The following C19orf18 variants were observed in gnomAD, a reference collection of about 807,000 sequenced individuals.
The protein encoded by C19orf18 is uncharacterized protein C19orf18.
C19orf18 carries 21 observed loss-of-function variants against 23.3 expected under a neutral mutation model. The ratio of observed to expected loss-of-function variants is 0.90; its 90% CI spans 0.64 to 1.30. C19orf18 has a LOEUF of 1.30. Ranked by LOEUF, C19orf18 falls within the 50% of genes most tolerant of loss-of-function variation. The pLI, the probability that C19orf18 is intolerant of heterozygous loss-of-function variation, is 0.00. For missense variants in C19orf18, 249 were observed against 259.6 expected (o/e 0.96, Z 0.28); for synonymous variants, 96 against 95.2 (o/e 1.01, Z -0.05).
intron 2 of C19orf18, among the ~76,000 whole-genome samples, chr19:57,973,230 T>A (rs2072959230): frequency 1.4e-5 from 2 of 143,216 alleles, no homozygotes; most frequent in South Asian, 4.7e-4. Flanking sequence ...AACAATAGTG[T>A]CCTTTCCTCG....
intron 4 of C19orf18, among the ~76,000 whole-genome samples, chr19:57,962,857 C>CAA (rs969125692): frequency 7.5e-6 from 1 of 133,592 alleles, no homozygotes. Context: ...AACTCCATCT[C>CAA]AAAAAAAAAA....
chr19:57,964,124 T>G (rs2072892627), intron 4 of C19orf18, among the ~76,000 whole-genome samples: 1 of 152,162 alleles, frequency 6.6e-6, no homozygotes, highest in African/African-American at 2.4e-5. Context: ...CCACTATAGC[T>G]TAGTGCTAAT....
intron 2 of C19orf18, among the ~76,000 whole-genome samples, chr19:57,973,507 T>C (rs4801535): frequency 0.32 from 48,650 of 151,726 alleles, 9,607 homozygotes; most frequent in African/African-American, 0.56. Context: ...GGGCGGATCA[T>C]GAGGTCAGGA....
intron 3 of C19orf18, among the ~76,000 whole-genome samples, chr19:57,969,365 G>GC (rs1353711472): frequency 6.7e-6 from 1 of 150,238 alleles, no homozygotes; most frequent in African/African-American, 2.5e-5. Flanking sequence ...GACCAGCCTG[G>GC]CCAACATGGT....
intron 5 of C19orf18, among the ~76,000 whole-genome samples, chr19:57,959,485 C>T (rs1451533570): frequency 2.6e-5 from 4 of 151,890 alleles, no homozygotes; most frequent in Non-Finnish European, 2.9e-5. Flanking sequence ...ATAAGACAGG[C>T]GTGGTGGCAT....
chr19:57,969,130 G>C (rs1190703300), intron 3 of C19orf18, among the ~76,000 whole-genome samples: 3 of 152,122 alleles, frequency 2.0e-5, no homozygotes, highest in South Asian at 2.1e-4. Context: ...CGTGTGTGGT[G>C]GGCCATGTCT....
chr19:57,961,140 C>G (rs1408346804), intron 5 of C19orf18, among the ~76,000 whole-genome samples: 1 of 151,882 alleles, frequency 6.6e-6, no homozygotes, highest in Non-Finnish European at 1.5e-5. Flanking sequence ...GAGGCTGAGG[C>G]AGGAGAATGG....
chr19:57,970,329 A>C, intron 3 of C19orf18, among the ~76,000 whole-genome samples: 1 of 152,162 alleles, frequency 6.6e-6, no homozygotes, highest in East Asian at 1.9e-4. Flanking sequence ...GCTGTAACTT[A>C]TGCACTCGTC....
At chr19:57,970,571 A>G (rs1467333343) in intron 3 of C19orf18, among the ~76,000 whole-genome samples, 1 of 151,976 alleles carries the variant, frequency 6.6e-6, no homozygotes, top group African/African-American at 2.4e-5. Flanking sequence ...AGTAAGGTAG[A>G]CATCTTTCCA....
At chr19:57,961,824 T>C (rs569497697) in intron 4 of C19orf18, among the ~76,000 whole-genome samples, 1 of 152,304 alleles carries the variant, frequency 6.6e-6, no homozygotes, top group Non-Finnish European at 1.5e-5. Context: ...ACTTAAGGTG[T>C]TGACAAAAAA....
intron 4 of C19orf18, 42 bp from the exon 5 acceptor site, chr19:57,961,593 GA>G: frequency 6.2e-7 from 1 of 1,600,102 alleles, no homozygotes; most frequent in Non-Finnish European, 8.5e-7. Flanking sequence ...CAGTTTTCAT[GA>G]TGAATAATTC....
intron 2 of C19orf18, among the ~76,000 whole-genome samples, chr19:57,972,882 G>A (rs2072954408): frequency 6.6e-6 from 1 of 152,132 alleles, no homozygotes; most frequent in Non-Finnish European, 1.5e-5. Flanking sequence ...GTCAGCAAGG[G>A]TTGGGCACAG....
chr19:57,960,969 G>A (rs1410185730), intron 5 of C19orf18, among the ~76,000 whole-genome samples: 3 of 152,142 alleles, frequency 2.0e-5, no homozygotes, highest in African/African-American at 7.2e-5. Context: ...CACGAGGTCA[G>A]GAGATCGAGA....
chr19:57,964,636 G>GCAGGTTA (rs2072896191), intron 4 of C19orf18, among the ~76,000 whole-genome samples: 1 of 152,116 alleles, frequency 6.6e-6, no homozygotes, highest in South Asian at 2.1e-4. Flanking sequence ...AACCAAGCAC[G>GCAGGTTA]CAGGTTACGC....
At chr19:57,974,078 A>G (rs758832001) in intron 2 of C19orf18, 21 bp downstream of exon 2, 2 of 1,605,804 alleles carry the variant, frequency 1.2e-6, no homozygotes, top group African/African-American at 2.7e-5. Flanking sequence ...ACTCCACTGA[A>G]TGAGGAATTC....
chr19:57,969,005 A>G (rs1028125685), intron 3 of C19orf18, among the ~76,000 whole-genome samples: 4 of 152,092 alleles, frequency 2.6e-5, no homozygotes, highest in Non-Finnish European at 4.4e-5. Flanking sequence ...ATTCAAATCT[A>G]TATTTGCTCA....
At chr19:57,965,653 CAGG>C (rs1228031944) in intron 4 of C19orf18, among the ~76,000 whole-genome samples, 2 of 152,050 alleles carry the variant, frequency 1.3e-5, no homozygotes, top group African/African-American at 2.4e-5. Context: ...GAGGCTGAGG[CAGG>C]AGAATTGCTT....
At chr19:57,972,080 A>T (rs2072948930) in intron 3 of C19orf18, among the ~76,000 whole-genome samples, 1 of 152,178 alleles carries the variant, frequency 6.6e-6, no homozygotes, top group Non-Finnish European at 1.5e-5. Flanking sequence ...GCAGGACACA[A>T]GGTGCCTTCT....
intron 3 of C19orf18, 58 bp downstream of exon 3, chr19:57,972,405 T>G: frequency 6.3e-7 from 1 of 1,592,916 alleles, no homozygotes. Context: ...GAGCCACACA[T>G]CACGACAGCT....
Sources: allele counts gnomAD v4.1 joint callset (sites outside exome capture counted in the v4.1 genomes callset), GRCh38; gene constraint gnomAD v4.1.1; transcripts MANE v1.5; gene names NCBI Gene and HGNC (gene_info 2026-07-23, HGNC 2026-07-21).